The following SEMA3F variants were observed in gnomAD, a reference collection of about 807,000 sequenced individuals.
SEMA3F encodes the protein semaphorin 3F.
A neutral mutation model predicts 98.5 loss-of-function variants in SEMA3F; 30 were observed. The ratio of observed to expected loss-of-function variants is 0.30; its 90% CI spans 0.23 to 0.41. The LOEUF is 0.41. Ranked by LOEUF, SEMA3F falls within the 10% of genes least tolerant of loss-of-function variation. The pLI, the probability that SEMA3F is intolerant of heterozygous loss-of-function variation, is 1.00. For missense variants in SEMA3F, 866 were observed against 1,119.3 expected, an observed-to-expected ratio of 0.77 and a Z score of 3.23; for synonymous variants, 380 against 444.8, an observed-to-expected ratio of 0.85 and a Z score of 1.83.
intron 5 of SEMA3F, 48 bp from the exon 6 acceptor site, chr3:50,175,048 C>T (rs1387647417): frequency 1.5e-6 from 2 of 1,370,736 alleles, no homozygotes; most frequent in Non-Finnish European, 2.1e-6. Context: ...GCCCGCTCCC[C>T]CAGCCCCTGC....
intron 5 of SEMA3F, 127 bp from the exon 6 acceptor site, chr3:50,174,969 C>T (rs1182017592): frequency 2.6e-5 from 18 of 680,738 alleles, no homozygotes; most frequent in African/African-American, 1.8e-4. Flanking sequence ...CACGCATAGA[C>T]GTGCTCTGGG....
chr3:50,185,850 A>G (rs759831419), intron 15 of SEMA3F, 39 bp from the exon 16 acceptor site: 26 of 1,606,720 alleles, frequency 1.6e-5, no homozygotes, highest in Non-Finnish European at 2.1e-5. Flanking sequence ...GGGGCTGGCT[A>G]TGGGACAGGA....
At position 50,155,531 on chromosome 3, in the gene SEMA3F, G is replaced by C. The variant is rs1400766592; in HGVS notation, c.-82G>C. 9.5e-6 allele frequency: 3 copies of C among 316,842 alleles called. No homozygotes were observed. In the East Asian group the frequency reaches 1.5e-4, roughly 16 times the overall value. The allele number at this position is 316,842 out of a possible 1,614,324, so 19.6% of individuals were successfully genotyped here. A position where few individuals can be genotyped will look rare whatever the true frequency, so the allele number is the denominator to read the frequency against. On this transcript the variant is annotated 5_prime_UTR_variant, in exon 1 of 19. Coordinates refer to ENST00000002829, the MANE Select transcript of SEMA3F (RefSeq NM_004186.5). The surrounding 1 kb of genome is among the most constrained non-coding windows in gnomAD (Gnocchi z 4.9). ...GGAGCCGCTCCGTGCCGCCGCCGCCGCCCGGGCGCCCAGGCCCCGCCGCTG... is the reference window on the plus strand; with the variant it reads ...GGAGCCGCTCCGTGCCGCCGCCGCCCCCCGGGCGCCCAGGCCCCGCCGCTG...
At position 50,173,948 on chromosome 3, in the gene SEMA3F, C is replaced by T. The variant is rs1308881337; in HGVS notation, c.268C>T (p.Leu90Phe). Residue 90 changes from leucine (L) to phenylalanine (F), a missense_variant, in exon 3 of 19, where the codon CTC (leucine) becomes TTC (phenylalanine). Coordinates refer to ENST00000002829, the MANE Select transcript of SEMA3F (RefSeq NM_004186.5). Reference protein sequence around the residue: ...LDLHDINREPLIIHWAASPQR... With the variant: ...LDLHDINREPFIIHWAASPQR... ...CCTGCACGACATCAACCGCGAGCCC[C>T]TCATTGTAAGGGCTGGCCCTGATGT... 1.2e-6 allele frequency: 2 copies of T among 1,614,122 alleles called. No homozygotes were observed. Among genetic ancestry groups the T allele is most frequent in the Non-Finnish European group, 1.7e-6 (2 of 1,180,026 alleles).
chr3:50,155,176 C>T (rs1379048746), upstream of SEMA3F: 5 of 344,352 alleles, frequency 1.5e-5, no homozygotes, highest in East Asian at 4.4e-5. The surrounding 1 kb of genome is among the most constrained non-coding windows in gnomAD (Gnocchi z 4.9). Context: ...TGCAGCCCAG[C>T]GCGGCCGCCC....
At position 50,182,163 on chromosome 3, in the gene SEMA3F, A is replaced by G; in HGVS notation, c.644-121A>G. The G allele has an allele frequency of 8.0e-7, 1 of 1,257,410 alleles. No homozygotes were observed. The highest frequency in any genetic ancestry group is 1.1e-6 in the Non-Finnish European group (1 of 879,664). The allele number at this position is 1,257,410 out of a possible 1,614,324, so 77.9% of individuals were successfully genotyped here. On this transcript the variant is annotated intron_variant, in intron 7 of 18. Coordinates refer to ENST00000002829, the MANE Select transcript of SEMA3F (RefSeq NM_004186.5). This position sits in a 1 kb window ranked among gnomAD's most constrained non-coding sequence, Gnocchi z 4.5. ...AACACTGACCAGCACTCCACTGGAG[A>G]TAGGATCATGCCCCAGGGAGCCTGA...
intron 2 of SEMA3F, among the ~76,000 whole-genome samples, chr3:50,170,906 T>C (rs1490204417): frequency 6.6e-6 from 1 of 152,134 alleles, no homozygotes; most frequent in African/African-American, 2.4e-5. Context: ...TCCTGAGTCA[T>C]GTGCCCTGTC....
rs12639175 is a variant in SEMA3F, at chr3:50,182,276, A to G, written c.644-8A>G. On this transcript the variant is annotated splice_region_variant and splice_polypyrimidine_tract_variant and intron_variant, in intron 7 of 18. Coordinates refer to ENST00000002829, the MANE Select transcript of SEMA3F (RefSeq NM_004186.5). The surrounding 1 kb of genome is among the most constrained non-coding windows in gnomAD (Gnocchi z 4.5). Reference sequence around the variant, plus strand: ...AGCCCCCCAACTGACCCACTGGCCTACCCACAGATGAGGAGCTCTATGCTG... The same window carrying G: ...AGCCCCCCAACTGACCCACTGGCCTGCCCACAGATGAGGAGCTCTATGCTG... The G allele has an allele frequency of 1.6e-3, 2,554 of 1,614,006 alleles. 28 individuals carry two copies. The East Asian group carries it at 0.016, about 10-fold the overall frequency.
chr3:50,174,441 G>C, intron 5 of SEMA3F, 91 bp downstream of exon 5: 2 of 1,465,926 alleles, frequency 1.4e-6, no homozygotes, highest in Non-Finnish European at 9.2e-7. Flanking sequence ...CCCCAGCCCT[G>C]CCACTTCCGA....
At chr3:50,184,428 A>C in intron 12 of SEMA3F, 164 bp from the exon 13 acceptor site, 1 of 629,186 alleles carries the variant, frequency 1.6e-6, no homozygotes. Flanking sequence ...CCAGAGCAGG[A>C]CCTGTAGAGG....
intron 2 of SEMA3F, 120 bp downstream of exon 2, chr3:50,159,854 T>A (rs1698138057): frequency 1.4e-6 from 1 of 709,126 alleles, no homozygotes; most frequent in South Asian, 1.6e-5. Flanking sequence ...TACAGCCACA[T>A]AGGTTGTGGG....
Position 50,174,096 on chromosome 3 carries a change from C to T in SEMA3F, c.318C>T (p.Leu106=). The T allele has an allele frequency of 6.2e-7, 1 of 1,614,140 alleles. No individual in the cohort carries two copies. Among genetic ancestry groups the T allele is most frequent in the Non-Finnish European group, 8.5e-7 (1 of 1,180,026 alleles). ...CACAGCGCATCGAGGAATGCGTGCT[C>T]TCAGGCAAGGATGTCAACGTGAGTT... is the stretch of plus-strand genomic sequence containing the variant. ...ASPQRIEECV[L]SGKDVNGECG... The change falls in exon 4 of 19, where the codon CTC becomes CTT. Residue 106 remains leucine (L), a synonymous_variant. Coordinates refer to ENST00000002829, the MANE Select transcript of SEMA3F (RefSeq NM_004186.5).
rs1391493383 is a variant in SEMA3F at position 50,174,076 on chromosome 3, C to T, written c.298C>T (p.Arg100Cys). Residue 100 changes from arginine to cysteine, a missense_variant, in exon 4 of 19, where the codon CGC becomes TGC. Arg to Cys is a radical substitution (Grantham distance 180, BLOSUM62 -3). Coordinates refer to ENST00000002829, the MANE Select transcript of SEMA3F (RefSeq NM_004186.5). ...LIIHWAASPQ[R>C]IEECVLSGKD... ...GATACACTGGGCAGCCTCCCCACAG[C>T]GCATCGAGGAATGCGTGCTCTCAGG... 6 of 1,614,124 alleles carry T rather than the reference C, an allele frequency of 3.7e-6. No homozygotes were observed. The highest frequency in any genetic ancestry group is 5.1e-6 in the Non-Finnish European group (6 of 1,180,026).
At chr3:50,171,500 C>T (rs2109081704) in intron 2 of SEMA3F, among the ~76,000 whole-genome samples, 1 of 152,178 alleles carries the variant, frequency 6.6e-6, no homozygotes, top group Middle Eastern at 3.4e-3. Flanking sequence ...GCCTCTAGCC[C>T]CTCCCCCTGC....
Position 50,173,933 on chromosome 3 carries a change from A to G in SEMA3F, c.253A>G (p.Ile85Val). The G allele has an allele frequency of 1.2e-6, 2 of 1,614,108 alleles. No homozygotes were observed. Among genetic ancestry groups the G allele is most frequent in the East Asian group, 2.2e-5 (1 of 44,880 alleles). ...CGTGCTGTCCCTGGACCTGCACGAC[A>G]TCAACCGCGAGCCCCTCATTGTAAG... ...DYVLSLDLHD[I>V]NREPLIIHWA... The change falls in exon 3 of 19, where the codon ATC becomes GTC. Residue 85 changes from isoleucine to valine, a missense_variant. Around this residue, in one of 3 missense-constraint regions of SEMA3F, gnomAD observed 247 missense variants for 276.0 expected, o/e 0.89. Coordinates refer to ENST00000002829, the MANE Select transcript of SEMA3F (RefSeq NM_004186.5).
intron 5 of SEMA3F, 30 bp downstream of exon 5, chr3:50,174,380 G>GC (rs754721552): frequency 2.8e-5 from 44 of 1,590,690 alleles, no homozygotes; most frequent in Non-Finnish European, 3.3e-5. Flanking sequence ...GCCCTGTGCT[G>GC]CCCCCGCTGG....
intron 6 of SEMA3F, among the ~76,000 whole-genome samples, chr3:50,175,722 C>CGGGCAGGG (rs1553692576): frequency 7.5e-6 from 1 of 133,180 alleles, no homozygotes; most frequent in Non-Finnish European, 1.6e-5. Flanking sequence ...TGGGCAGGGG[C>CGGGCAGGG]GGGCAGGGGG....
intron 7 of SEMA3F, among the ~76,000 whole-genome samples, chr3:50,181,935 T>C (rs978140539): frequency 6.6e-6 from 1 of 152,248 alleles, no homozygotes; most frequent in African/African-American, 2.4e-5. Context: ...GCTATGCTCT[T>C]GAGGTGATTT....
chr3:50,155,191 C>A, upstream of SEMA3F: 1 of 344,632 alleles, frequency 2.9e-6, no homozygotes, highest in Non-Finnish European at 5.2e-6. This position sits in a 1 kb window ranked among gnomAD's most constrained non-coding sequence, Gnocchi z 4.9. Flanking sequence ...CCGCCCGGCC[C>A]GGGTCCAGCA....
Sources: gnomAD v4.1 joint callset for allele counts (sites outside exome capture counted in the v4.1 genomes callset) on GRCh38, gnomAD v4.1.1 for gene constraint, gnomAD v4.1.1 regional missense constraint, Gnocchi (gnomAD v3.1) non-coding constraint, MANE v1.5 for transcripts, NCBI Gene and HGNC (gene_info 2026-07-23, HGNC 2026-07-21) for gene names.